Variants in FAT1 observed in about 807,000 individuals in gnomAD.
The protein encoded by FAT1 is FAT atypical cadherin 1.
Under a neutral mutation model 329.8 loss-of-function variants are expected in FAT1, and 171 were observed. That is an observed-to-expected ratio of 0.52 (90% CI 0.46 to 0.59). FAT1 has a LOEUF of 0.59. FAT1 is among the 20% of genes least tolerant of loss of function. FAT1 has a pLI of 0.00. For missense variants in FAT1, 5,672 were observed against 5,774.4 expected, an observed-to-expected ratio of 0.98 and a Z score of 0.57; for synonymous variants, 2,233 against 2,228.6, an observed-to-expected ratio of 1.00 and a Z score of -0.06.
intron 1 of FAT1, among the ~76,000 whole-genome samples, chr4:186,716,778 G>GT (rs1313951525): frequency 1.3e-5 from 2 of 152,064 alleles, no homozygotes; most frequent in African/African-American, 4.8e-5. Context: ...TTGTAAACGA[G>GT]TTTTTTTGTT....
intron 2 of FAT1, among the ~76,000 whole-genome samples, chr4:186,689,032 CT>C (rs1743625399): frequency 6.6e-6 from 1 of 152,146 alleles, no homozygotes; most frequent in Non-Finnish European, 1.5e-5. Context: ...CAGAAAGCAA[CT>C]ACTTTTCAAA....
rs202148368 is a variant in FAT1 at position 186,707,368 on chromosome 4, G to A, written c.2460C>T (p.Pro820=). 1.1e-4 allele frequency: 171 copies of A among 1,613,854 alleles called. No homozygotes were observed. Among genetic ancestry groups the A allele is most frequent in the Admixed American group, 2.0e-4 (12 of 59,994 alleles). Residue 820 remains proline, a synonymous_variant, in exon 2 of 27, where the codon CCC becomes CCT. Coordinates refer to ENST00000441802, the MANE Select transcript of FAT1 (RefSeq NM_005245.4). The stretch of plus-strand genomic sequence containing the variant: ...CAAAATAGCTCTCCTGTAAAAACTC[G>A]GGTGGATTATCATTGGCATCGACAA... ...VVVVDANDNP[P]EFLQESYFVE... is the part of the protein sequence containing the mutation.
intron 2 of FAT1, among the ~76,000 whole-genome samples, chr4:186,678,570 T>C (rs1031400916): frequency 2.0e-5 from 3 of 148,734 alleles, no homozygotes; most frequent in African/African-American, 7.3e-5. Flanking sequence ...ACATATATTG[T>C]CATTAATATC....
rs1739961894 is a variant in FAT1, at chr4:186,620,167, T to C, written c.6419A>G (p.Gln2140Arg). ...GPLGEISLKK[Q>R]FELDTLNKEY... Reference sequence around the variant, plus strand: ...TTTATTTAAGGTGTCAAGCTCAAATTGCTTTTTCAGTGAAATTTCACCCAA... The same window carrying C: ...TTTATTTAAGGTGTCAAGCTCAAATCGCTTTTTCAGTGAAATTTCACCCAA... Residue 2140 changes from glutamine to arginine, a missense_variant, in exon 10 of 27, where the codon CAA (glutamine) becomes CGA (arginine). Transcript: ENST00000441802. 2.5e-6 allele frequency: 4 copies of C among 1,614,024 alleles called. No individual in the cohort carries two copies. The East Asian group carries it at 8.9e-5, about 36-fold the overall frequency.
intron 3 of FAT1, among the ~76,000 whole-genome samples, chr4:186,659,320 A>G (rs1742058280): frequency 6.6e-6 from 1 of 152,138 alleles, no homozygotes; most frequent in African/African-American, 2.4e-5. Context: ...GCCTCCCATG[A>G]CTGTACTTGA....
At chr4:186,590,315 T>C (rs1738175321) in intron 26 of FAT1, 1 of 1,202,980 alleles carries the variant, frequency 8.3e-7, no homozygotes, top group Admixed American at 2.3e-5. Flanking sequence ...GGGGCAAGGC[T>C]TGACCCATTG....
chr4:186,669,308 G>T (rs1199198784), intron 2 of FAT1, among the ~76,000 whole-genome samples: 1 of 152,188 alleles, frequency 6.6e-6, no homozygotes, highest in African/African-American at 2.4e-5. Flanking sequence ...GGGAAACTCT[G>T]TCGCCACTCC....
Position 186,621,673 on chromosome 4 carries a change from T to C in FAT1, c.4913A>G (p.Lys1638Arg). ...SNQAEYDLMV[K>R]ATDKGSPPMS... ...TGGTGGACTGCCCTTATCTGTAGCTTTTACCATTAAATCATACTCCGCTTG... is the reference window on the plus strand; with the variant it reads ...TGGTGGACTGCCCTTATCTGTAGCTCTTACCATTAAATCATACTCCGCTTG... The change falls in exon 10 of 27, where the codon AAA (lysine) becomes AGA (arginine). Residue 1638 changes from lysine to arginine, a missense_variant. Lys to Arg is a conservative substitution (Grantham distance 26). Around this residue, in one of 2 missense-constraint regions of FAT1, gnomAD observed 3,966 missense variants for 3,915.2 expected, o/e 1.01. Transcript: ENST00000441802. The C allele has an allele frequency of 6.2e-7, 1 of 1,614,002 alleles. No homozygotes were observed. Among genetic ancestry groups the C allele is most frequent in the Non-Finnish European group, 8.5e-7 (1 of 1,179,892 alleles).
chr4:186,590,284 C>T (rs1026275661), intron 26 of FAT1: 2 of 836,162 alleles, frequency 2.4e-6, no homozygotes, highest in African/African-American at 3.5e-5. Flanking sequence ...ACTGGGCGAC[C>T]CAGCGTAGTC....
intron 2 of FAT1, among the ~76,000 whole-genome samples, chr4:186,674,385 A>G (rs1466747632): frequency 6.6e-6 from 1 of 152,242 alleles, no homozygotes; most frequent in African/African-American, 2.4e-5. Context: ...CAGAGAAGCC[A>G]GAACCCCAAA....
Position 186,620,824 on chromosome 4 carries a change from C to A in FAT1, c.5762G>T (p.Gly1921Val), listed in dbSNP as rs2126519477. 3 of 1,613,968 alleles carry A rather than the reference C, an allele frequency of 1.9e-6. No homozygotes were observed. Among genetic ancestry groups the A allele is most frequent in the Non-Finnish European group, 2.5e-6 (3 of 1,179,888 alleles). Residue 1921 changes from glycine (G) to valine (V), a missense_variant, in exon 10 of 27, where the codon GGC becomes GTC. Physicochemically the swap from Gly to Val is moderately radical, Grantham distance 109 (BLOSUM62 -3). Coordinates refer to ENST00000441802, the MANE Select transcript of FAT1 (RefSeq NM_005245.4). ...FSQLIYSITEGNIGEKFSMDY... is the reference protein window; with the variant it reads ...FSQLIYSITEVNIGEKFSMDY... ...CATAGAAAACTTCTCCCCGATGTTG[C>A]CTTCGGTGATGGAGTAAATCAACTG...
Position 186,609,961 on chromosome 4 carries a change from A to T in FAT1, c.9908T>A (p.Leu3303Gln), listed in dbSNP as rs2126460495. ...LDYESSHEYY[L>Q]TVEATDGGTP... ...GCCTCCATCAGTGGCCTCTACTGTT[A>T]GGTAATACTCATGAGAGCTCTCATA... Residue 3303 changes from leucine (L) to glutamine (Q), a missense_variant, in exon 15 of 27, where the codon CTA (leucine) becomes CAA (glutamine). Transcript: ENST00000441802. 6.2e-7 allele frequency: 1 copy of T among 1,613,558 alleles called. No homozygotes were observed. The highest frequency in any genetic ancestry group is 1.7e-4 in the Middle Eastern group (1 of 6,054).
chr4:186,645,079 T>C (rs1472777456), intron 3 of FAT1, among the ~76,000 whole-genome samples: 1 of 151,964 alleles, frequency 6.6e-6, no homozygotes, highest in Non-Finnish European at 1.5e-5. Flanking sequence ...CAACTCTGTG[T>C]TCCAGAAAAG....
At chr4:186,712,234 G>A (rs1344492134) in intron 1 of FAT1, among the ~76,000 whole-genome samples, 3 of 152,160 alleles carry the variant, frequency 2.0e-5, no homozygotes, top group East Asian at 1.9e-4. Flanking sequence ...ATGTACCCAC[G>A]GATATACTTT....
intron 17 of FAT1, among the ~76,000 whole-genome samples, chr4:186,605,628 G>C (rs1026664473): frequency 2.1e-5 from 3 of 139,974 alleles, no homozygotes; most frequent in Admixed American, 2.1e-4. Context: ...AGGAGGAAGA[G>C]AAGGAGGAGG....
chr4:186,722,779 T>C (rs1178528303), intron 1 of FAT1, among the ~76,000 whole-genome samples: 1 of 152,220 alleles, frequency 6.6e-6, no homozygotes, highest in Non-Finnish European at 1.5e-5. Context: ...GTCATTTTCT[T>C]TTCAATCTTT....
intron 1 of FAT1, among the ~76,000 whole-genome samples, chr4:186,710,865 A>T (rs141679784): frequency 6.6e-6 from 1 of 152,334 alleles, no homozygotes; most frequent in African/African-American, 2.4e-5. Flanking sequence ...GAGAAAAGAG[A>T]GAAACTGAAG....
chr4:186,619,575 G>A lies in FAT1; in HGVS notation c.7011C>T (p.Ser2337=), dbSNP rs1739921882. 3.1e-6 allele frequency: 5 copies of A among 1,613,882 alleles called. No individual in the cohort carries two copies. Among genetic ancestry groups the A allele is most frequent in the Non-Finnish European group, 2.5e-6 (3 of 1,179,900 alleles). Residue 2337 remains serine, a synonymous_variant, in exon 10 of 27, where the codon AGC becomes AGT. Coordinates refer to ENST00000441802, the MANE Select transcript of FAT1 (RefSeq NM_005245.4). ...SKSHDHFHVD[S]STGLISLLRT... ...TGAGTAGTGAGATGAGGCCAGTGCT[G>A]CTGTCTACATGAAAATGATCATGAC...
chr4:186,687,382 A>T (rs1273438925), intron 2 of FAT1, among the ~76,000 whole-genome samples: 2 of 151,940 alleles, frequency 1.3e-5, no homozygotes, highest in African/African-American at 2.4e-5. Context: ...TCTAGTTCTC[A>T]TAAAAACAAA....
Sources: gnomAD v4.1 joint callset for allele counts (sites outside exome capture counted in the v4.1 genomes callset) on GRCh38, gnomAD v4.1.1 for gene constraint, gnomAD v4.1.1 regional missense constraint, MANE v1.5 for transcripts, NCBI Gene and HGNC (gene_info 2026-07-23, HGNC 2026-07-21) for gene names.